RGS22: variants seen among roughly 807,000 people sequenced by gnomAD.
RGS22 encodes regulator of G-protein signaling 22.
A neutral mutation model predicts 172.9 loss-of-function variants in RGS22; 148 were observed. The ratio of observed to expected loss-of-function variants is 0.86; its 90% CI spans 0.75 to 0.98. The LOEUF (loss-of-function observed/expected upper bound fraction) is 0.98, where lower values mean the gene tolerates loss of function less well. Among genes scored for constraint, RGS22 ranks in the 50% least tolerant of loss-of-function variants. The pLI is 0.00. For synonymous variants in RGS22, 458 were observed against 480.2 expected (o/e 0.95, Z 0.60); for missense variants, 1,347 against 1,440.8 (o/e 0.93, Z 1.05).
chr8:100,076,451 G>T (rs964166994), intron 4 of RGS22, among the ~76,000 whole-genome samples: 14 of 151,930 alleles, frequency 9.2e-5, no homozygotes, highest in African/African-American at 3.1e-4. Flanking sequence ...TTTAGTTTTG[G>T]CATCAGTGTA....
chr8:100,044,233 T>C (rs1471868116), intron 11 of RGS22, among the ~76,000 whole-genome samples: 1 of 152,146 alleles, frequency 6.6e-6, no homozygotes, highest in Non-Finnish European at 1.5e-5. Context: ...ATTCTGCTCA[T>C]TCTGGTTTTT....
intron 4 of RGS22, among the ~76,000 whole-genome samples, chr8:100,077,547 G>A (rs150535641): frequency 1.1e-4 from 16 of 152,254 alleles, no homozygotes; most frequent in Admixed American, 3.3e-4. Context: ...TTTTGTTACC[G>A]ATTTATAGTT....
chr8:100,074,733 G>T (rs1005926585), intron 4 of RGS22, among the ~76,000 whole-genome samples: 2 of 151,776 alleles, frequency 1.3e-5, no homozygotes, highest in Admixed American at 6.6e-5. Context: ...ACGTTTACAT[G>T]CAGGGTTTCT....
At chr8:100,007,012 A>C (rs1815799547) in intron 15 of RGS22, among the ~76,000 whole-genome samples, 1 of 152,098 alleles carries the variant, frequency 6.6e-6, no homozygotes, top group Non-Finnish European at 1.5e-5. Flanking sequence ...TTAAAACTTC[A>C]TCTGATATCC....
intron 14 of RGS22, among the ~76,000 whole-genome samples, chr8:100,017,352 C>T (rs557563106): frequency 1.3e-5 from 2 of 152,224 alleles, no homozygotes; most frequent in Admixed American, 1.3e-4. Flanking sequence ...CATGGCATCC[C>T]AAGCCTACAT....
At chr8:99,996,570 C>A in intron 19 of RGS22, 40 bp from the exon 20 acceptor site, 1 of 1,513,374 alleles carries the variant, frequency 6.6e-7, no homozygotes, top group South Asian at 1.2e-5. Context: ...GTTATTCAGA[C>A]TAAAGGCTTG....
At position 99,962,434 on chromosome 8, in the gene RGS22, T is replaced by G. The variant is rs758879228; in HGVS notation, c.*5A>C. The G allele has an allele frequency of 1.9e-5, 31 of 1,613,754 alleles. No homozygotes were observed. The highest frequency in any genetic ancestry group is 2.5e-5 in the Non-Finnish European group (29 of 1,179,682). On this transcript the variant is annotated 3_prime_UTR_variant, in exon 27 of 28. Coordinates refer to ENST00000360863, the MANE Select transcript of RGS22 (RefSeq NM_015668.5). ...AGCAGGATGTAAACATTCACAAGAATGCTGTCACTCTGGAAAAGACATGAA... is the reference window on the plus strand; with the variant it reads ...AGCAGGATGTAAACATTCACAAGAAGGCTGTCACTCTGGAAAAGACATGAA...
At chr8:100,100,620 G>A (rs1363975341) in intron 2 of RGS22, among the ~76,000 whole-genome samples, 8 of 152,126 alleles carry the variant, frequency 5.3e-5, no homozygotes, top group African/African-American at 1.9e-4. Context: ...CCAAGTTTGG[G>A]TGAATCCACA....
chr8:100,015,436 G>A (rs1424845827), intron 14 of RGS22, among the ~76,000 whole-genome samples: 1 of 152,046 alleles, frequency 6.6e-6, no homozygotes, highest in Non-Finnish European at 1.5e-5. Context: ...GGGACCACAG[G>A]CATTCACCAC....
intron 9 of RGS22, among the ~76,000 whole-genome samples, chr8:100,053,256 A>C (rs1821875026): frequency 6.6e-6 from 1 of 152,086 alleles, no homozygotes. Flanking sequence ...TTGATAAGAA[A>C]ACTAAAAATA....
At chr8:100,039,354 T>G (rs1410003786) in intron 13 of RGS22, among the ~76,000 whole-genome samples, 1 of 150,368 alleles carries the variant, frequency 6.7e-6, no homozygotes, top group African/African-American at 2.5e-5. Context: ...CAAACATTAC[T>G]CTAGTAATTG....
chr8:100,044,073 A>T (rs1305825785), intron 11 of RGS22, among the ~76,000 whole-genome samples: 1 of 152,230 alleles, frequency 6.6e-6, no homozygotes, highest in African/African-American at 2.4e-5. Flanking sequence ...TAGAGATTAA[A>T]TCAATAATTT....
chr8:100,040,155 C>T, intron 12 of RGS22, 68 bp from the exon 13 acceptor site: 3 of 1,406,884 alleles, frequency 2.1e-6, no homozygotes, highest in Non-Finnish European at 2.9e-6. Context: ...CATTACACAA[C>T]AGGATTTCAT....
chr8:100,040,186 T>C, intron 12 of RGS22, 99 bp from the exon 13 acceptor site: 1 of 1,043,442 alleles, frequency 9.6e-7, no homozygotes, highest in Non-Finnish European at 1.4e-6. Context: ...ATGCTGTCAT[T>C]TTCCCACTGG....
intron 2 of RGS22, among the ~76,000 whole-genome samples, chr8:100,096,094 A>G (rs1812945932): frequency 6.6e-6 from 1 of 152,194 alleles, no homozygotes. Context: ...AGTATCTGAT[A>G]AGCTGTTTAC....
chr8:100,010,022 T>C (rs1816203702), intron 14 of RGS22, among the ~76,000 whole-genome samples: 1 of 152,222 alleles, frequency 6.6e-6, no homozygotes, highest in Admixed American at 6.5e-5. Context: ...TCTTTTAAGC[T>C]CATCTCCCAT....
rs1812821864 is a variant in RGS22 at position 99,984,088 on chromosome 8, A to C, written c.3181-1972T>G. Among the ~76,000 whole-genome samples, 3 of 152,138 alleles carry C rather than the reference A, an allele frequency of 2.0e-5. 1 individual carries two copies. In the South Asian group the frequency reaches 6.2e-4, roughly 32 times the overall value. ...GGCTTGAGCCCAGGAGTTTGAGACC[A>C]TCCTGGGCAACATGGTGAAACTCTG... On this transcript the variant is annotated intron_variant, in intron 21 of 27. Coordinates refer to ENST00000360863, the MANE Select transcript of RGS22 (RefSeq NM_015668.5).
intron 6 of RGS22, among the ~76,000 whole-genome samples, chr8:100,070,309 G>A (rs1810873568): frequency 6.6e-6 from 1 of 152,062 alleles, no homozygotes; most frequent in Non-Finnish European, 1.5e-5. Flanking sequence ...TAGACATATT[G>A]AGAAAATGTT....
At chr8:100,044,626 CT>C (rs542203635) in intron 11 of RGS22, among the ~76,000 whole-genome samples, 426 of 128,778 alleles carry the variant, frequency 3.3e-3, no homozygotes, top group African/African-American at 7.2e-3. Context: ...ATTACCCTTT[CT>C]TTTTTTTTTT....
Sources: allele counts gnomAD v4.1 joint callset (sites outside exome capture counted in the v4.1 genomes callset), GRCh38; gene constraint gnomAD v4.1.1; transcripts MANE v1.5; gene names NCBI Gene and HGNC (gene_info 2026-07-23, HGNC 2026-07-21).